TMEM260: variants seen among roughly 807,000 people sequenced by gnomAD.
TMEM260 encodes the protein transmembrane protein 260.
Under a neutral mutation model 88.9 loss-of-function variants are expected in TMEM260, and 82 were observed. The observed-to-expected ratio is 0.92, with a 90% CI of 0.77 to 1.11. The LOEUF is 1.11. Ranked by LOEUF, TMEM260 falls within the 50% of genes least tolerant of loss-of-function variation. TMEM260 has a pLI of 0.00. For synonymous variants in TMEM260, 314 were observed against 309.3 expected, an observed-to-expected ratio of 1.02 and a Z score of -0.16; for missense variants, 902 against 853.4, an observed-to-expected ratio of 1.06 and a Z score of -0.71.
intron 15 of TMEM260, 70 bp downstream of exon 15, chr14:56,636,668 A>G (rs767133839): frequency 7.7e-7 from 1 of 1,299,400 alleles, no homozygotes; most frequent in Admixed American, 1.7e-5. Context: ...TTCAGAATGG[A>G]TAGAGGGTAT....
In TMEM260 at chr14:56,647,849, G is replaced by A; in HGVS notation, c.*352G>A. ...TGGTCATGAACTGTGTAAGGGCCAT[G>A]CTTATTGGGATCAGTTTTAAAGTTA... On this transcript the variant is annotated 3_prime_UTR_variant, in exon 16 of 16. Transcript: ENST00000261556. 5.6e-6 allele frequency: 1 copy of A among 178,658 alleles called. No homozygotes were observed. The highest frequency in any genetic ancestry group is 1.2e-5 in the Non-Finnish European group (1 of 84,404). 11.1% of individuals were successfully genotyped at this position (178,658 alleles called of 1,614,324 possible).
intron 15 of TMEM260, among the ~76,000 whole-genome samples, chr14:56,645,253 A>T (rs1329155224): frequency 1.3e-5 from 2 of 151,326 alleles, no homozygotes; most frequent in Non-Finnish European, 3.0e-5. Context: ...CCAATGTCCA[A>T]CAAAGATAGA....
downstream of TMEM260, among the ~76,000 whole-genome samples, chr14:56,649,715 C>CT (rs1890161393): frequency 9.1e-6 from 1 of 109,692 alleles, no homozygotes; most frequent in South Asian, 2.9e-4. Flanking sequence ...TTGAGACTGT[C>CT]TGCTTGTAAA....
At chr14:56,582,527 G>T (rs898093514) in intron 1 of TMEM260, among the ~76,000 whole-genome samples, 1 of 152,178 alleles carries the variant, frequency 6.6e-6, no homozygotes, top group Non-Finnish European at 1.5e-5. Flanking sequence ...ACAACTCTGG[G>T]CTTGCCATTA....
intron 14 of TMEM260, among the ~76,000 whole-genome samples, chr14:56,635,938 A>ATTCT (rs1195324153): frequency 6.6e-6 from 1 of 152,180 alleles, no homozygotes; most frequent in African/African-American, 2.4e-5. Context: ...ATAGGGACAA[A>ATTCT]TTCTTACTTT....
At chr14:56,599,062 T>C (rs1240248771) in intron 3 of TMEM260, among the ~76,000 whole-genome samples, 1 of 152,156 alleles carries the variant, frequency 6.6e-6, no homozygotes, top group Non-Finnish European at 1.5e-5. Context: ...GACTTTAGCT[T>C]TCATTTCATT....
At chr14:56,636,419 T>A in intron 14 of TMEM260, 89 bp from the exon 15 acceptor site, 2 of 977,608 alleles carry the variant, frequency 2.0e-6, no homozygotes, top group Non-Finnish European at 3.3e-6. Context: ...GTACATCCCT[T>A]ATCAGTGGAG....
chr14:56,636,670 A>G, intron 15 of TMEM260, 72 bp downstream of exon 15: 1 of 1,303,860 alleles, frequency 7.7e-7, no homozygotes, highest in South Asian at 1.2e-5. Flanking sequence ...CAGAATGGAT[A>G]GAGGGTATAT....
Position 56,579,818 on chromosome 14 carries a change from C to T in TMEM260, c.-97C>T, listed in dbSNP as rs867997529. 3.1e-5 allele frequency: 36 copies of T among 1,173,078 alleles called. No homozygotes were observed. Among genetic ancestry groups the T allele is most frequent in the Middle Eastern group, 6.4e-4 (2 of 3,102 alleles). The allele number at this position is 1,173,078 out of a possible 1,614,324, so 72.7% of individuals were successfully genotyped here. ...GGCTCGACCCGGAAGCCGCCGTGGC[C>T]GCCGCACAAGCTGCGCTCGTCTCTC... On this transcript the variant is annotated 5_prime_UTR_variant, in exon 1 of 16. Coordinates refer to ENST00000261556, the MANE Select transcript of TMEM260 (RefSeq NM_017799.4).
intron 6 of TMEM260, among the ~76,000 whole-genome samples, chr14:56,609,614 T>C (rs1887126335): frequency 6.6e-6 from 1 of 152,182 alleles, no homozygotes; most frequent in South Asian, 2.1e-4. Context: ...TAAAACTATT[T>C]GGAAAAGATC....
intron 8 of TMEM260, among the ~76,000 whole-genome samples, chr14:56,616,763 G>A (rs922277453): frequency 6.6e-6 from 1 of 151,874 alleles, no homozygotes; most frequent in Non-Finnish European, 1.5e-5. Flanking sequence ...TATTTTTAAG[G>A]CTTCCGATAT....
intron 13 of TMEM260, chr14:56,633,454 C>T (rs1295201736): frequency 2.4e-5 from 6 of 250,430 alleles, no homozygotes; most frequent in Admixed American, 2.0e-4. Context: ...TTGAATGCTG[C>T]ATCATCTACC....
chr14:56,603,980 G>A lies in TMEM260; in HGVS notation c.510G>A (p.Lys170=), dbSNP rs748522722. 5 of 1,565,806 alleles carry A rather than the reference G, an allele frequency of 3.2e-6. No individual in the cohort carries two copies. The highest frequency in any genetic ancestry group is 4.3e-6 in the Non-Finnish European group (5 of 1,161,240). Residue 170 remains lysine (K), a synonymous_variant, in exon 4 of 16, where the codon AAG becomes AAA. Coordinates refer to ENST00000261556, the MANE Select transcript of TMEM260 (RefSeq NM_017799.4). ...TVHFEEAATA[K]ERSKVAKIGA... The stretch of plus-strand genomic sequence containing the variant: ...ATTTTGAGGAAGCAGCAACTGCTAA[G>A]GAGAGATCAAAGGTAACCTATTTTG...
At chr14:56,638,929 C>G (rs76049443) in intron 15 of TMEM260, among the ~76,000 whole-genome samples, 1 of 151,886 alleles carries the variant, frequency 6.6e-6, no homozygotes, top group African/African-American at 2.4e-5. Context: ...TTCCACATAA[C>G]GAAGAATGAT....
At chr14:56,595,757 G>A (rs1030972653) in intron 3 of TMEM260, among the ~76,000 whole-genome samples, 1 of 152,030 alleles carries the variant, frequency 6.6e-6, no homozygotes, top group African/African-American at 2.4e-5. Context: ...AAAGTGCTGG[G>A]ATTACAGGGA....
downstream of TMEM260, among the ~76,000 whole-genome samples, chr14:56,649,800 A>G (rs985982574): frequency 3.3e-5 from 5 of 152,184 alleles, no homozygotes; most frequent in African/African-American, 4.8e-5. Context: ...ATTATTGTCA[A>G]ATGGTACCTA....
downstream of TMEM260, among the ~76,000 whole-genome samples, chr14:56,649,714 T>A (rs1003174988): frequency 1.8e-5 from 2 of 109,698 alleles, no homozygotes; most frequent in Non-Finnish European, 1.7e-5. Context: ...TTTGAGACTG[T>A]CTGCTTGTAA....
Position 56,618,658 on chromosome 14 carries a change from CAG to C in TMEM260, c.1122_1123del (p.Val375CysfsTer3). 6.2e-7 allele frequency: 1 copy of C among 1,614,180 alleles called. No individual in the cohort carries two copies. Among genetic ancestry groups the C allele is most frequent in the African/African-American group, 1.3e-5 (1 of 75,036 alleles). On this transcript the variant is annotated frameshift_variant, in exon 10 of 16. Transcript: ENST00000261556. LOFTEE classifies it high-confidence loss of function. The stretch of plus-strand genomic sequence containing the variant: ...GTCCTCGCTGGCATTGGTTTGGCTG[CAG>C]TTGTGTCTGAGACTAACCGAGTGCT...
intron 3 of TMEM260, among the ~76,000 whole-genome samples, chr14:56,593,711 T>A (rs35453770): frequency 2.5e-5 from 3 of 119,450 alleles, no homozygotes; most frequent in Admixed American, 1.9e-4. Flanking sequence ...TTTTTGAGAC[T>A]GAGTCTCGGT....
Sources: gnomAD v4.1 joint callset for allele counts (sites outside exome capture counted in the v4.1 genomes callset) on GRCh38, gnomAD v4.1.1 for gene constraint, MANE v1.5 for transcripts, NCBI Gene and HGNC (gene_info 2026-07-23, HGNC 2026-07-21) for gene names.